Variants in PLEKHG6 observed in about 807,000 individuals in gnomAD.
PLEKHG6 encodes the protein pleckstrin homology domain-containing family G member 6.
PLEKHG6 carries 91 observed loss-of-function variants against 97.5 expected under a neutral mutation model. The ratio of observed to expected loss-of-function variants is 0.93; its 90% CI spans 0.79 to 1.11. The LOEUF is 1.11. PLEKHG6 is among the 50% of genes most tolerant of loss of function. PLEKHG6 has a pLI of 0.00. For synonymous variants in PLEKHG6, 466 were observed against 425.5 expected (o/e 1.10, Z -1.17); for missense variants, 1,044 against 1,031.0 (o/e 1.01, Z -0.17).
chr12:6,317,094 G>A (rs554830690), intron 7 of PLEKHG6, among the ~76,000 whole-genome samples: 4 of 152,314 alleles, frequency 2.6e-5, no homozygotes, highest in East Asian at 1.9e-4. Flanking sequence ...GGTCAGTGTC[G>A]GGACCTCAGG....
At chr12:6,320,847 G>A (rs1200128847) in intron 13 of PLEKHG6, among the ~76,000 whole-genome samples, 2 of 152,138 alleles carry the variant, frequency 1.3e-5, no homozygotes, top group African/African-American at 4.8e-5. Context: ...CAGAGGACCA[G>A]CTGGGCTGGA....
rs1199642248 is a variant in PLEKHG6, at chr12:6,315,800, T to TG, written c.556-63dup. The stretch of plus-strand genomic sequence containing the variant: ...GATAGGTCAGCAGTACTGAAGTTGG[T>TG]GGGGGGTGGGAGGTGACGACACTGA... On this transcript the variant is annotated intron_variant, in intron 5 of 15. Transcript: ENST00000684764. This position sits in a 1 kb window ranked among gnomAD's most constrained non-coding sequence, Gnocchi z 4.5. 4 of 1,380,854 alleles carry TG rather than the reference T, an allele frequency of 2.9e-6. No individual in the cohort carries two copies. Among genetic ancestry groups the TG allele is most frequent in the Non-Finnish European group, 4.0e-6 (4 of 1,002,364 alleles). 85.5% of individuals were successfully genotyped at this position (1,380,854 alleles called of 1,614,324 possible). A position where few individuals can be genotyped will look rare whatever the true frequency, so the allele number is the denominator to read the frequency against.
chr12:6,316,399 C>T lies in PLEKHG6; in HGVS notation c.751C>T (p.Leu251=). 6.4e-7 allele frequency: 1 copy of T among 1,571,770 alleles called. No homozygotes were observed. The highest frequency in any genetic ancestry group is 8.6e-7 in the Non-Finnish European group (1 of 1,157,896). Reference sequence around the variant, plus strand: ...CCCCATTGGTCTGCAAAGTGGCTTCCTGACGGTGAGGCCTGTGAAGGGCTG... The same window carrying T: ...CCCCATTGGTCTGCAAAGTGGCTTCTTGACGGTGAGGCCTGTGAAGGGCTG... ...LDPIGLQSGF[L]TFGQRFHPYV... The change falls in exon 7 of 16, where the codon CTG becomes TTG. Residue 251 remains leucine (L), a synonymous_variant. Coordinates refer to ENST00000684764, the MANE Select transcript of PLEKHG6 (RefSeq NM_001384598.1). The surrounding 1 kb of genome is among the most constrained non-coding windows in gnomAD (Gnocchi z 4.1).
intron 3 of PLEKHG6, 63 bp downstream of exon 3, chr12:6,313,847 T>C: frequency 6.9e-7 from 1 of 1,449,564 alleles, no homozygotes; most frequent in Non-Finnish European, 9.3e-7. Context: ...GCTCCGCAGA[T>C]GACCAGCAAG....
At position 6,328,160 on chromosome 12, in the gene PLEKHG6, C is replaced by T; in HGVS notation, c.*15C>T. 2.5e-6 allele frequency: 4 copies of T among 1,613,408 alleles called. No homozygotes were observed. Among genetic ancestry groups the T allele is most frequent in the Non-Finnish European group, 3.4e-6 (4 of 1,179,370 alleles). ...GAGAGGTATGAGGAATGCAGAGGACCTTTGGCATGCATCTCTCCCAGAGGA... is the reference window on the plus strand; with the variant it reads ...GAGAGGTATGAGGAATGCAGAGGACTTTTGGCATGCATCTCTCCCAGAGGA... On this transcript the variant is annotated 3_prime_UTR_variant, in exon 16 of 16. Coordinates refer to ENST00000684764, the MANE Select transcript of PLEKHG6 (RefSeq NM_001384598.1).
chr12:6,318,653 TGCCTGCGC>T, intron 11 of PLEKHG6, 84 bp from the exon 12 acceptor site: 1 of 1,408,516 alleles, frequency 7.1e-7, no homozygotes, highest in South Asian at 1.2e-5. Flanking sequence ...TGTCCCTGTG[TGCCTGCGC>T]ACCATGCCTG....
At chr12:6,317,758 T>C in intron 9 of PLEKHG6, 62 bp downstream of exon 9, 1 of 1,590,184 alleles carries the variant, frequency 6.3e-7, no homozygotes. Context: ...GGTCTCTTTC[T>C]TAGTGTGTCT....
At position 6,313,783 on chromosome 12, in the gene PLEKHG6, A is replaced by G. The variant is rs192679272; in HGVS notation, c.293A>G (p.Lys98Arg). The stretch of plus-strand genomic sequence containing the variant: ...GGCCTGCTTCACTCCCCCAAACTCA[A>G]GGTAAGGGGGTCCCTCTCCTCCCAT... Reference protein sequence around the residue: ...GAGLLHSPKLKELTKAHELEV... With the variant: ...GAGLLHSPKLRELTKAHELEV... Residue 98 changes from lysine (K) to arginine (R), a missense_variant and splice_region_variant, in exon 3 of 16, where the codon AAG (lysine) becomes AGG (arginine). By Grantham distance (26) the Lys-to-Arg change is conservative. Transcript: ENST00000684764. 9 of 1,570,176 alleles carry G rather than the reference A, an allele frequency of 5.7e-6. No individual in the cohort carries two copies. The highest frequency in any genetic ancestry group is 7.8e-6 in the Non-Finnish European group (9 of 1,158,892).
intron 2 of PLEKHG6, 200 bp downstream of exon 2, chr12:6,312,564 T>G: frequency 1.7e-6 from 2 of 1,206,806 alleles, no homozygotes; most frequent in Non-Finnish European, 1.1e-6. Context: ...TCCCAGCAGC[T>G]GGGCAGGAGA....
chr12:6,321,610 G>A (rs12821018), intron 13 of PLEKHG6, among the ~76,000 whole-genome samples: 80,315 of 151,146 alleles, frequency 0.53, 22,277 homozygotes, highest in Non-Finnish European at 0.62. Flanking sequence ...AGGCCGAGGC[G>A]GGCCGATCAC....
chr12:6,323,788 C>T (rs1947776254), intron 13 of PLEKHG6, among the ~76,000 whole-genome samples: 1 of 152,234 alleles, frequency 6.6e-6, no homozygotes, highest in Admixed American at 6.5e-5. Flanking sequence ...AGGCCCAGCA[C>T]TGTATGGGCA....
rs1198033266 is a variant in PLEKHG6, at chr12:6,328,494, A to T, written c.*349A>T. On this transcript the variant is annotated 3_prime_UTR_variant, in exon 16 of 16. Coordinates refer to ENST00000684764, the MANE Select transcript of PLEKHG6 (RefSeq NM_001384598.1). ...GGAAACCCTGTCTTTACAAAAAAAA[A>T]TTTTAAAAATTACCCAGGTGTGGTG... 3.6e-5 allele frequency: 8 copies of T among 219,832 alleles called. No individual in the cohort carries two copies. The highest frequency in any genetic ancestry group is 1.8e-4 in the South Asian group (2 of 11,356). The allele number at this position is 219,832 out of a possible 1,614,324, so 13.6% of individuals were successfully genotyped here. A position where few individuals can be genotyped will look rare whatever the true frequency, so the allele number is the denominator to read the frequency against.
chr12:6,318,077 C>A, intron 10 of PLEKHG6, 83 bp downstream of exon 10: 11 of 1,465,966 alleles, frequency 7.5e-6, no homozygotes, highest in Non-Finnish European at 9.2e-6. Context: ...GCCAGAACAC[C>A]CCGTACTTGG....
In PLEKHG6 at chr12:6,315,044, A is replaced by G. The variant is rs774251207; in HGVS notation, c.334A>G (p.Thr112Ala). ...KAHELEVRLH[T>A]FSMFGMPRLP... ...CCATGAGCTGGAGGTGAGGCTGCAC[A>G]CTTTCAGCATGTTTGGGATGCCCCG... is the stretch of plus-strand genomic sequence containing the variant. The change falls in exon 4 of 16, where the codon ACT (threonine) becomes GCT (alanine). Residue 112 changes from threonine to alanine, a missense_variant. Physicochemically the swap from Thr to Ala is moderately conservative, Grantham distance 58. Coordinates refer to ENST00000684764, the MANE Select transcript of PLEKHG6 (RefSeq NM_001384598.1). The surrounding 1 kb of genome is among the most constrained non-coding windows in gnomAD (Gnocchi z 4.5). 5.0e-6 allele frequency: 8 copies of G among 1,613,752 alleles called. No individual in the cohort carries two copies. The highest frequency in any genetic ancestry group is 2.2e-5 in the East Asian group (1 of 44,882).
intron 3 of PLEKHG6, among the ~76,000 whole-genome samples, chr12:6,314,071 C>T (rs143762138): frequency 3.3e-5 from 5 of 152,206 alleles, no homozygotes; most frequent in African/African-American, 9.7e-5. Flanking sequence ...TGCTGAGAGT[C>T]AGGTATGCTC....
chr12:6,314,073 G>T (rs1374339519), intron 3 of PLEKHG6, among the ~76,000 whole-genome samples: 1 of 152,218 alleles, frequency 6.6e-6, no homozygotes, highest in Non-Finnish European at 1.5e-5. Flanking sequence ...CTGAGAGTCA[G>T]GTATGCTCTC....
intron 2 of PLEKHG6, 112 bp downstream of exon 2, chr12:6,312,476 T>C: frequency 5.6e-6 from 7 of 1,241,566 alleles, no homozygotes; most frequent in Non-Finnish European, 3.3e-6. Context: ...TCCTGCCCCT[T>C]ACCCTACTCT....
At chr12:6,310,921 G>C (rs1380723094) in intron 1 of PLEKHG6, 73 bp downstream of exon 1, 1 of 153,056 alleles carries the variant, frequency 6.5e-6, no homozygotes, top group Non-Finnish European at 1.5e-5. Context: ...CGGGGCGAAG[G>C]GGAAGGAAGG....
chr12:6,312,562 G>A, intron 2 of PLEKHG6, 198 bp downstream of exon 2: 1 of 1,203,340 alleles, frequency 8.3e-7, no homozygotes, highest in South Asian at 2.1e-5. Flanking sequence ...AGTCCCAGCA[G>A]CTGGGCAGGA....
Sources: allele counts gnomAD v4.1 joint callset (sites outside exome capture counted in the v4.1 genomes callset), GRCh38; gene constraint gnomAD v4.1.1; non-coding constraint Gnocchi (gnomAD v3.1); transcripts MANE v1.5; gene names NCBI Gene and HGNC (gene_info 2026-07-23, HGNC 2026-07-21).